The following RBMS1 variants were observed in gnomAD, a reference collection of about 807,000 sequenced individuals.
RBMS1 encodes RNA-binding motif, single-stranded-interacting protein 1.
In RBMS1, 17 loss-of-function variants were observed where a neutral mutation model predicts 62.3. The observed-to-expected ratio is 0.27, with a 90% CI of 0.19 to 0.41. RBMS1 has a LOEUF of 0.41. RBMS1 is among the 10% of genes least tolerant of loss of function. The probability of loss-of-function intolerance (pLI) is 1.00; values close to 1 mark genes in which losing one functional copy is unlikely to be tolerated. For missense variants in RBMS1, 334 were observed against 504.5 expected (o/e 0.66, Z 3.24); for synonymous variants, 172 against 170.0 (o/e 1.01, Z -0.09).
intron 5 of RBMS1, among the ~76,000 whole-genome samples, chr2:160,302,221 AG>A (rs1170051885): frequency 1.3e-5 from 2 of 151,464 alleles, no homozygotes; most frequent in East Asian, 3.9e-4. Context: ...TTTTTTTTAA[AG>A]ACAGATCTGT....
intron 1 of RBMS1, among the ~76,000 whole-genome samples, chr2:160,379,008 T>C (rs1248685027): frequency 6.6e-6 from 1 of 152,150 alleles, no homozygotes; most frequent in African/African-American, 2.4e-5. Context: ...CTGTTTGAGA[T>C]CAGGAGTTCA....
chr2:160,412,067 T>C (rs1046315306), intron 1 of RBMS1, among the ~76,000 whole-genome samples: 2 of 152,240 alleles, frequency 1.3e-5, no homozygotes, highest in Non-Finnish European at 2.9e-5. Context: ...AGAGCCATTT[T>C]TGAATGAATT....
chr2:160,318,098 AAGATCAGGTT>A, intron 3 of RBMS1, 61 bp downstream of exon 3: 1 of 1,561,826 alleles, frequency 6.4e-7, no homozygotes. Flanking sequence ...TTTGAAACCA[AAGATCAGGTT>A]TTAAATTCCA....
intron 1 of RBMS1, among the ~76,000 whole-genome samples, chr2:160,486,807 A>C (rs372108718): frequency 6.6e-6 from 1 of 150,976 alleles, no homozygotes; most frequent in Non-Finnish European, 1.5e-5. Context: ...CAGGCAAGCA[A>C]TGATCTAATT....
intron 1 of RBMS1, among the ~76,000 whole-genome samples, chr2:160,392,008 C>T (rs191476852): frequency 5.1e-4 from 77 of 151,980 alleles, no homozygotes; most frequent in African/African-American, 1.6e-3. Flanking sequence ...AATGTAGTAA[C>T]GATTACACAG....
intron 1 of RBMS1, among the ~76,000 whole-genome samples, chr2:160,379,426 T>C (rs1335944092): frequency 6.6e-6 from 1 of 152,224 alleles, no homozygotes; most frequent in Non-Finnish European, 1.5e-5. Context: ...CTCTGTTTTA[T>C]GGAGTCAGCC....
rs570680838 is a variant in RBMS1 at position 160,321,889 on chromosome 2, C to T, written c.252-3662G>A. Reference sequence around the variant, plus strand: ...GTTCTCCCTGCATCCAGCTTTTCAACCCTGTCTGTTGCATTAATTTACCTT... The same window carrying T: ...GTTCTCCCTGCATCCAGCTTTTCAATCCTGTCTGTTGCATTAATTTACCTT... On this transcript the variant is annotated intron_variant, in intron 2 of 13. Transcript: ENST00000348849. Among the ~76,000 whole-genome samples, 16 of 152,334 alleles carry T rather than the reference C, an allele frequency of 1.1e-4. No homozygotes were observed. In the South Asian group the frequency reaches 2.5e-3, roughly 24 times the overall value.
intron 2 of RBMS1, among the ~76,000 whole-genome samples, chr2:160,345,347 T>G (rs1053743207): frequency 2.0e-5 from 3 of 152,122 alleles, no homozygotes; most frequent in Non-Finnish European, 4.4e-5. Flanking sequence ...GGCAGGAAGT[T>G]AAGCCTATAC....
At chr2:160,385,698 G>A (rs920841061) in intron 1 of RBMS1, among the ~76,000 whole-genome samples, 3 of 152,206 alleles carry the variant, frequency 2.0e-5, no homozygotes, top group Non-Finnish European at 4.4e-5. Flanking sequence ...AGATGCCCAC[G>A]TGTTCTGTTC....
intron 1 of RBMS1, among the ~76,000 whole-genome samples, chr2:160,437,644 A>C (rs999933165): frequency 2.0e-5 from 3 of 152,238 alleles, no homozygotes; most frequent in Admixed American, 6.5e-5. Context: ...TCGACTTCCC[A>C]AGGGTTTGAT....
intron 1 of RBMS1, among the ~76,000 whole-genome samples, chr2:160,451,648 A>C (rs1683997597): frequency 6.6e-6 from 1 of 152,066 alleles, no homozygotes; most frequent in South Asian, 2.1e-4. Context: ...TTGCTCTGTC[A>C]GTCAGGCTGG....
At chr2:160,442,064 T>C (rs1378705293) in intron 1 of RBMS1, among the ~76,000 whole-genome samples, 1 of 152,372 alleles carries the variant, frequency 6.6e-6, no homozygotes, top group Non-Finnish European at 1.5e-5. Flanking sequence ...TTGTCAGATA[T>C]ATATGCTATG....
At position 160,311,238 on chromosome 2, in the gene RBMS1, A is replaced by ATCTATATATCTATATATC. The variant is rs1287458681; in HGVS notation, c.402+1917_402+1918insGATATATAGATATATAGA. Among the ~76,000 whole-genome samples the ATCTATATATCTATATATC allele has an allele frequency of 4.4e-4, 52 of 119,238 alleles. 3 individuals carry two copies. Among genetic ancestry groups the ATCTATATATCTATATATC allele is most frequent in the African/African-American group, 1.3e-3 (46 of 34,928 alleles). The allele number at this position is 119,238 out of a possible 152,430, so 78.2% of individuals were successfully genotyped here. A position where few individuals can be genotyped will look rare whatever the true frequency, so the allele number is the denominator to read the frequency against. ...TATCTATCTATCTATCTATCTATATATATATATATATATATATATAGTCTG... is the reference window on the plus strand; with the variant it reads ...TATCTATCTATCTATCTATCTATATATCTATATATCTATATATCTATATATATATATATATATAGTCTG... On this transcript the variant is annotated intron_variant, in intron 4 of 13. Coordinates refer to ENST00000348849, the MANE Select transcript of RBMS1 (RefSeq NM_016836.4).
chr2:160,376,234 TA>T (rs956086008), intron 1 of RBMS1, among the ~76,000 whole-genome samples: 4 of 152,154 alleles, frequency 2.6e-5, no homozygotes, highest in Non-Finnish European at 4.4e-5. Context: ...AGTAAGCTTA[TA>T]AAAAAAATAC....
intron 1 of RBMS1, among the ~76,000 whole-genome samples, chr2:160,438,800 C>T (rs1432935845): frequency 6.6e-6 from 1 of 152,128 alleles, no homozygotes; most frequent in African/African-American, 2.4e-5. Flanking sequence ...GGGTGGTGGC[C>T]GGGCAGAGGG....
chr2:160,461,255 AAG>A (rs764820779), intron 1 of RBMS1, among the ~76,000 whole-genome samples: 71 of 149,374 alleles, frequency 4.8e-4, no homozygotes, highest in Middle Eastern at 3.4e-3. Flanking sequence ...TCTCGAAAGA[AAG>A]AGAGAGAGAG....
chr2:160,433,240 C>T (rs1682972932), intron 1 of RBMS1, among the ~76,000 whole-genome samples: 1 of 152,106 alleles, frequency 6.6e-6, no homozygotes, highest in African/African-American at 2.4e-5. Flanking sequence ...ATGGTGAAAC[C>T]CTGTCTCTAC....
intron 4 of RBMS1, among the ~76,000 whole-genome samples, chr2:160,309,000 C>T (rs1358825709): frequency 1.3e-5 from 2 of 152,180 alleles, no homozygotes; most frequent in Non-Finnish European, 2.9e-5. Flanking sequence ...ACATTCTTAA[C>T]AGATTGCTAA....
chr2:160,421,222 T>A (rs1696411378), intron 1 of RBMS1, among the ~76,000 whole-genome samples: 3 of 152,124 alleles, frequency 2.0e-5, no homozygotes, highest in Non-Finnish European at 4.4e-5. Flanking sequence ...TATATACCTG[T>A]GCCCTGCTAG....
Sources: allele counts gnomAD v4.1 joint callset (sites outside exome capture counted in the v4.1 genomes callset), GRCh38; gene constraint gnomAD v4.1.1; transcripts MANE v1.5; gene names NCBI Gene and HGNC (gene_info 2026-07-23, HGNC 2026-07-21).